Variants in SDSL observed in about 807,000 individuals in gnomAD.
The protein encoded by SDSL is serine dehydratase-like.
SDSL carries 26 observed loss-of-function variants against 27.6 expected under a neutral mutation model. The ratio of observed to expected loss-of-function variants is 0.94; its 90% CI spans 0.69 to 1.31. The LOEUF (loss-of-function observed/expected upper bound fraction) is 1.31, where lower values mean the gene tolerates loss of function less well. Among genes scored for constraint, SDSL ranks in the 50% most tolerant of loss-of-function variants. SDSL has a pLI of 0.00. For missense variants in SDSL, 431 were observed against 423.5 expected (o/e 1.02, Z -0.16); for synonymous variants, 196 against 180.6 (o/e 1.09, Z -0.69).
At chr12:113,432,256 C>T (rs1254649973) in intron 4 of SDSL, among the ~76,000 whole-genome samples, 3 of 140,542 alleles carry the variant, frequency 2.1e-5, no homozygotes, top group African/African-American at 8.3e-5. Flanking sequence ...TTCTTTCTTT[C>T]TTTCTTTCTT....
chr12:113,434,649 C>A (rs1311149429), intron 5 of SDSL, among the ~76,000 whole-genome samples: 3 of 152,196 alleles, frequency 2.0e-5, no homozygotes, highest in Non-Finnish European at 4.4e-5. Flanking sequence ...ATGGCAGATA[C>A]AAAGGGCTGC....
Position 113,433,805 on chromosome 12 carries a change from T to C in SDSL, c.355-329T>C, listed in dbSNP as rs187080036. Among the ~76,000 whole-genome samples the C allele has an allele frequency of 3.2e-3, 480 of 152,326 alleles. 1 individual carries two copies. Among genetic ancestry groups the C allele is most frequent in the Non-Finnish European group, 3.3e-3 (223 of 68,020 alleles). On this transcript the variant is annotated intron_variant, in intron 4 of 7. Transcript: ENST00000403593. Reference sequence around the variant, plus strand: ...GTTTGACTTTAGGGGGCTTCTCCCCTACTGGTTGGCTAGAAGTGGGCACCA... The same window carrying C: ...GTTTGACTTTAGGGGGCTTCTCCCCCACTGGTTGGCTAGAAGTGGGCACCA...
At position 113,437,894 on chromosome 12, in the gene SDSL, C is replaced by T. The variant is rs201500836; in HGVS notation, c.805C>T (p.Arg269Cys). The T allele has an allele frequency of 3.5e-5, 56 of 1,605,452 alleles. No individual in the cohort carries two copies. Among genetic ancestry groups the T allele is most frequent in the African/African-American group, 8.0e-5 (6 of 74,550 alleles). ...TCCCCCGATCCTGGCAGATGATGAGCGTATGCTGGTGGAGCCTGCCTGTGG... is the reference window on the plus strand; with the variant it reads ...TCCCCCGATCCTGGCAGATGATGAGTGTATGCTGGTGGAGCCTGCCTGTGG... The part of the protein sequence containing the change: ...SAVQQLLDDE[R>C]MLVEPACGAA... Residue 269 changes from arginine to cysteine, a missense_variant, in exon 8 of 8, where the codon CGT becomes TGT. Coordinates refer to ENST00000403593, the MANE Select transcript of SDSL (RefSeq NM_001304993.2).
intron 1 of SDSL, chr12:113,427,373 A>G (rs1957862109): frequency 6.5e-6 from 1 of 153,360 alleles, no homozygotes; most frequent in Non-Finnish European, 1.5e-5. Flanking sequence ...GGCCTCCCAA[A>G]ATGCTGGGAT....
rs147740885 is a variant in SDSL at position 113,434,423 on chromosome 12, C to T, written c.443+201C>T. Among the ~76,000 whole-genome samples the T allele has an allele frequency of 1.9e-3, 294 of 152,360 alleles. 1 individual carries two copies. Among genetic ancestry groups the T allele is most frequent in the African/African-American group, 6.7e-3 (279 of 41,594 alleles). On this transcript the variant is annotated intron_variant, in intron 5 of 7. Coordinates refer to ENST00000403593, the MANE Select transcript of SDSL (RefSeq NM_001304993.2). ...GCAAAGCACCCCAGATCCTGTGCCT[C>T]AGTTTCTATGTGTGTAAAATGGAAG...
In SDSL at chr12:113,428,040, C is replaced by T; in HGVS notation, c.58C>T (p.Leu20=). 1 of 1,613,986 alleles carries T rather than the reference C, an allele frequency of 6.2e-7. No individual in the cohort carries two copies. Among genetic ancestry groups the T allele is most frequent in the Middle Eastern group, 1.7e-4 (1 of 6,058 alleles). Residue 20 remains leucine (L), a synonymous_variant, in exon 2 of 8, where the codon CTG becomes TTG. Coordinates refer to ENST00000403593, the MANE Select transcript of SDSL (RefSeq NM_001304993.2). ...GGAGCCCTTTCACGTGGTCACACCT[C>T]TGTTGGAGAGCTGGGCGCTGTCCCA... ...KQEPFHVVTP[L]LESWALSQVA... is the part of the protein sequence containing the mutation.
At chr12:113,437,484 G>A (rs1035173422) in intron 7 of SDSL, among the ~76,000 whole-genome samples, 2 of 152,190 alleles carry the variant, frequency 1.3e-5, no homozygotes, top group Non-Finnish European at 2.9e-5. Flanking sequence ...TTGATGAATG[G>A]TATAGAAATG....
chr12:113,432,530 C>T (rs374128744), intron 4 of SDSL, among the ~76,000 whole-genome samples: 4 of 151,920 alleles, frequency 2.6e-5, no homozygotes, highest in African/African-American at 7.3e-5. Flanking sequence ...TTAGTAGAGA[C>T]GGGGTTTCAC....
intron 1 of SDSL, among the ~76,000 whole-genome samples, chr12:113,423,588 A>G (rs996028011): frequency 3.9e-5 from 6 of 152,134 alleles, no homozygotes; most frequent in African/African-American, 1.4e-4. Flanking sequence ...ATAAAAATTA[A>G]AATATCAGCC....
rs752647115 is a variant in SDSL at position 113,434,185 on chromosome 12, T to C, written c.406T>C (p.Trp136Arg). 2 of 1,613,698 alleles carry C rather than the reference T, an allele frequency of 1.2e-6. No individual in the cohort carries two copies. ...RAQELAKRDGWENVPPFDHPL... is the reference protein window; with the variant it reads ...RAQELAKRDGRENVPPFDHPL... Reference sequence around the variant, plus strand: ...GCAAGAGTTGGCCAAGAGGGACGGCTGGGAGAATGTCCCCCCGTTTGACCA... The same window carrying C: ...GCAAGAGTTGGCCAAGAGGGACGGCCGGGAGAATGTCCCCCCGTTTGACCA... Residue 136 changes from tryptophan (W) to arginine (R), a missense_variant, in exon 5 of 8, where the codon TGG becomes CGG. By Grantham distance (101) the Trp-to-Arg change is moderately radical (BLOSUM62 -3). Transcript: ENST00000403593.
intron 4 of SDSL, among the ~76,000 whole-genome samples, chr12:113,432,491 G>A (rs950896634): frequency 2.2e-4 from 34 of 151,468 alleles, no homozygotes; most frequent in African/African-American, 8.0e-4. Flanking sequence ...ACAGGTGCAC[G>A]CCACCACACC....
In SDSL at chr12:113,435,326, C is replaced by G; in HGVS notation, c.444-3C>G. On this transcript the variant is annotated splice_region_variant and splice_polypyrimidine_tract_variant and intron_variant, in intron 5 of 7. Coordinates refer to ENST00000403593, the MANE Select transcript of SDSL (RefSeq NM_001304993.2). Reference sequence around the variant, plus strand: ...GCTTCTCCCTCTCACCCCCCCTCCCCAGGAAAGGCCACGCCAGCCTGGTGC... The same window carrying G: ...GCTTCTCCCTCTCACCCCCCCTCCCGAGGAAAGGCCACGCCAGCCTGGTGC... 1 of 1,502,566 alleles carries G rather than the reference C, an allele frequency of 6.7e-7. No individual in the cohort carries two copies. The highest frequency in any genetic ancestry group is 1.3e-5 in the South Asian group (1 of 75,758). The allele number at this position is 1,502,566 out of a possible 1,614,324, so 93.1% of individuals were successfully genotyped here. A position where few individuals can be genotyped will look rare whatever the true frequency, so the allele number is the denominator to read the frequency against.
intron 1 of SDSL, 95 bp from the exon 2 acceptor site, chr12:113,427,867 T>A: frequency 1.7e-6 from 2 of 1,180,384 alleles, no homozygotes. Context: ...GAAGGGCACC[T>A]AAGCCAAGGG....
chr12:113,432,242 TTCTTTCTTTCTTTC>T (rs1957934243), intron 4 of SDSL, among the ~76,000 whole-genome samples: 1 of 134,804 alleles, frequency 7.4e-6, no homozygotes, highest in South Asian at 2.5e-4. Context: ...CTTTCTTTCT[TTCTTTCTTTCTTTC>T]TTTCTTTCTT....
intron 4 of SDSL, among the ~76,000 whole-genome samples, chr12:113,432,914 A>G (rs1957952212): frequency 6.6e-6 from 1 of 152,098 alleles, no homozygotes; most frequent in Non-Finnish European, 1.5e-5. Context: ...TATCCAATCC[A>G]CCATTGATGG....
chr12:113,424,364 C>T (rs1957824576), intron 1 of SDSL, among the ~76,000 whole-genome samples: 1 of 152,138 alleles, frequency 6.6e-6, no homozygotes, highest in African/African-American at 2.4e-5. Context: ...AGAGGTCTTT[C>T]CTGACCTCCA....
intron 1 of SDSL, among the ~76,000 whole-genome samples, chr12:113,423,259 A>G (rs982737105): frequency 6.6e-6 from 1 of 152,242 alleles, no homozygotes; most frequent in African/African-American, 2.4e-5. Context: ...TGCAGCTTTC[A>G]TAATAGTAAC....
In SDSL at chr12:113,425,675, T is replaced by C. The variant is rs140936002; in HGVS notation, c.-21-2287T>C. The C allele has an allele frequency of 9.8e-4, 448 of 455,920 alleles. 2 individuals carry two copies. The highest frequency in any genetic ancestry group is 1.6e-3 in the Non-Finnish European group (370 of 226,758). 28.2% of individuals were successfully genotyped at this position (455,920 alleles called of 1,614,324 possible). A position where few individuals can be genotyped will look rare whatever the true frequency, so the allele number is the denominator to read the frequency against. On this transcript the variant is annotated intron_variant, in intron 1 of 7. Coordinates refer to ENST00000403593, the MANE Select transcript of SDSL (RefSeq NM_001304993.2). Reference sequence around the variant, plus strand: ...CTTTTCGTCCTTACCCACTGGTCCATTCACACACAGCTCCTCGGCTTCAAA... The same window carrying C: ...CTTTTCGTCCTTACCCACTGGTCCACTCACACACAGCTCCTCGGCTTCAAA...
At chr12:113,426,849 G>A (rs1470457761) in intron 1 of SDSL, among the ~76,000 whole-genome samples, 2 of 152,160 alleles carry the variant, frequency 1.3e-5, no homozygotes, top group Non-Finnish European at 2.9e-5. Flanking sequence ...TGAGGTGGGA[G>A]GACTGCTTGA....
Sources: allele counts gnomAD v4.1 joint callset (sites outside exome capture counted in the v4.1 genomes callset), GRCh38; gene constraint gnomAD v4.1.1; transcripts MANE v1.5; gene names NCBI Gene and HGNC (gene_info 2026-07-23, HGNC 2026-07-21).